PCDH9: variants seen among roughly 807,000 people sequenced by gnomAD.
PCDH9 encodes protocadherin-9.
In PCDH9, 24 loss-of-function variants were observed where a neutral mutation model predicts 70.6. That is an observed-to-expected ratio of 0.34 (90% CI 0.25 to 0.48). The LOEUF (loss-of-function observed/expected upper bound fraction) is 0.48, where lower values mean the gene tolerates loss of function less well. Among genes scored for constraint, PCDH9 ranks in the 20% least tolerant of loss-of-function variants. PCDH9 has a pLI of 0.99. For missense variants in PCDH9, 1,281 were observed against 1,503.6 expected, an observed-to-expected ratio of 0.85 and a Z score of 2.45; for synonymous variants, 562 against 558.5, an observed-to-expected ratio of 1.01 and a Z score of -0.09.
chr13:67,179,796 CT>C (rs2088567567), intron 2 of PCDH9, among the ~76,000 whole-genome samples: 1 of 151,934 alleles, frequency 6.6e-6, no homozygotes, highest in South Asian at 2.1e-4. Context: ...TGTTCAATTT[CT>C]TGGGTGTGTT....
chr13:66,761,420 T>TA (rs760595400), intron 3 of PCDH9, among the ~76,000 whole-genome samples: 29 of 152,202 alleles, frequency 1.9e-4, no homozygotes, highest in Admixed American at 1.5e-3. Flanking sequence ...TATTCTTTTT[T>TA]AAAAAATAAG....
At chr13:66,674,424 T>C (rs2078216266) in intron 3 of PCDH9, among the ~76,000 whole-genome samples, 1 of 151,714 alleles carries the variant, frequency 6.6e-6, no homozygotes. Flanking sequence ...TGTATTGTGT[T>C]AAAAAAAATT....
chr13:66,590,893 T>C (rs74375357), intron 4 of PCDH9, among the ~76,000 whole-genome samples: 159 of 151,922 alleles, frequency 1.0e-3, no homozygotes, highest in African/African-American at 3.7e-3. Context: ...CAATAGCATA[T>C]ATAATTTAAC....
intron 3 of PCDH9, among the ~76,000 whole-genome samples, chr13:66,716,691 C>G (rs2078869897): frequency 2.0e-5 from 3 of 152,092 alleles, no homozygotes; most frequent in Non-Finnish European, 4.4e-5. Context: ...AGGGACTCTC[C>G]TGATTATAAA....
chr13:66,430,849 A>G (rs936101657), intron 4 of PCDH9, among the ~76,000 whole-genome samples: 2 of 152,062 alleles, frequency 1.3e-5, no homozygotes, highest in Admixed American at 1.3e-4. Context: ...GTGTGGGTAT[A>G]AAAGAACCTT....
At chr13:66,382,080 A>G (rs978246128) in intron 4 of PCDH9, among the ~76,000 whole-genome samples, 2 of 152,198 alleles carry the variant, frequency 1.3e-5, no homozygotes, top group Admixed American at 6.5e-5. Context: ...AAGTTGTTAT[A>G]TAAAGATGAA....
chr13:66,925,110 C>T (rs1367692084), intron 2 of PCDH9, among the ~76,000 whole-genome samples: 2 of 151,822 alleles, frequency 1.3e-5, no homozygotes, highest in East Asian at 1.9e-4. Context: ...TAAATCTGTT[C>T]GCTGTCAATT....
Position 66,303,949 on chromosome 13 carries a change from T to C in PCDH9, c.*706A>G, listed in dbSNP as rs779937024. ...TGCTTGAGATTGTTTGAACAATGTG[T>C]GTCAAGACAGACTACTAACACAGAA... On this transcript the variant is annotated 3_prime_UTR_variant, in exon 5 of 5. Coordinates refer to ENST00000377865, the MANE Select transcript of PCDH9 (RefSeq NM_203487.3). 2.6e-5 allele frequency: 4 copies of C among 152,156 alleles called. No homozygotes were observed. The highest frequency in any genetic ancestry group is 5.9e-5 in the Non-Finnish European group (4 of 67,964). 9.4% of individuals were successfully genotyped at this position (152,156 alleles called of 1,614,324 possible). A position where few individuals can be genotyped will look rare whatever the true frequency, so the allele number is the denominator to read the frequency against.
chr13:66,935,326 G>T (rs913378408), intron 2 of PCDH9, among the ~76,000 whole-genome samples: 1 of 152,146 alleles, frequency 6.6e-6, no homozygotes, highest in Non-Finnish European at 1.5e-5. Context: ...AAAATGCTGG[G>T]ATTACAGGCC....
intron 2 of PCDH9, among the ~76,000 whole-genome samples, chr13:67,132,818 A>G (rs984712584): frequency 6.6e-5 from 10 of 152,138 alleles, no homozygotes; most frequent in Admixed American, 2.0e-4. Flanking sequence ...TTGTTATATC[A>G]TATAGAATAA....
intron 2 of PCDH9, among the ~76,000 whole-genome samples, chr13:66,940,653 G>A (rs542897211): frequency 6.6e-6 from 1 of 152,008 alleles, no homozygotes; most frequent in East Asian, 1.9e-4. Flanking sequence ...AAATTTTTCT[G>A]TAGACATCCA....
At chr13:67,113,410 C>A (rs531077204) in intron 2 of PCDH9, among the ~76,000 whole-genome samples, 166 of 152,292 alleles carry the variant, frequency 1.1e-3, no homozygotes, top group African/African-American at 3.8e-3. Flanking sequence ...ATAACATCAA[C>A]CACAACATTG....
chr13:66,886,105 T>C (rs1451916249), intron 3 of PCDH9: 1 of 152,206 alleles, frequency 6.6e-6, no homozygotes, highest in Non-Finnish European at 1.5e-5. Context: ...ACCTTCTTAC[T>C]GTTTTTGTTC....
chr13:66,567,322 G>A (rs142196860), intron 4 of PCDH9, among the ~76,000 whole-genome samples: 14 of 152,248 alleles, frequency 9.2e-5, no homozygotes, highest in African/African-American at 2.6e-4. Flanking sequence ...AATAAAAAAC[G>A]CGTGGTATGG....
rs2081263165 is a variant in PCDH9 at position 66,848,959 on chromosome 13, A to AG, written c.3138+54544dup. ...AAAAAAAAAAAAAAAAAAATAGAGG[A>AG]GCCAAAATATGTTTTCATTGGTTAT... On this transcript the variant is annotated intron_variant, in intron 3 of 4. Transcript: ENST00000377865. 2.7e-5 allele frequency among the ~76,000 whole-genome samples: 4 copies of AG among 148,340 alleles called. No homozygotes were observed. In the South Asian group the frequency reaches 8.5e-4, roughly 32 times the overall value.
intron 4 of PCDH9, among the ~76,000 whole-genome samples, chr13:66,454,893 C>T (rs1473864496): frequency 1.3e-5 from 2 of 152,090 alleles, no homozygotes; most frequent in East Asian, 1.9e-4. Context: ...GCGTGAGCCA[C>T]GCCACCACAC....
intron 2 of PCDH9, among the ~76,000 whole-genome samples, chr13:66,984,298 T>C (rs2083843663): frequency 1.3e-5 from 2 of 152,194 alleles, no homozygotes; most frequent in African/African-American, 4.8e-5. Context: ...CCTTAACAAT[T>C]ACTTAAATCA....
intron 3 of PCDH9, among the ~76,000 whole-genome samples, chr13:66,672,334 G>C (rs2078186671): frequency 6.6e-6 from 1 of 152,228 alleles, no homozygotes; most frequent in Non-Finnish European, 1.5e-5. Flanking sequence ...GTGGCATTGG[G>C]CCTGTGGGTG....
intron 3 of PCDH9, among the ~76,000 whole-genome samples, chr13:66,803,126 A>G (rs1346030983): frequency 1.3e-5 from 2 of 152,168 alleles, no homozygotes; most frequent in African/African-American, 2.4e-5. Flanking sequence ...GGTGTAATTA[A>G]TTATGATGTC....
Sources: allele counts gnomAD v4.1 joint callset (sites outside exome capture counted in the v4.1 genomes callset), GRCh38; gene constraint gnomAD v4.1.1; transcripts MANE v1.5; gene names NCBI Gene and HGNC (gene_info 2026-07-23, HGNC 2026-07-21).